The following HERPUD1 variants were observed in gnomAD, a reference collection of about 807,000 sequenced individuals.
HERPUD1 encodes homocysteine-responsive endoplasmic reticulum-resident ubiquitin-like domain member 1 protein.
Under a neutral mutation model 45.0 loss-of-function variants are expected in HERPUD1, and 17 were observed. The observed-to-expected ratio is 0.38, with a 90% CI of 0.26 to 0.57. The LOEUF is 0.57. Ranked by LOEUF, HERPUD1 falls within the 20% of genes least tolerant of loss-of-function variation. The probability of loss-of-function intolerance (pLI) is 0.72; values close to 1 mark genes in which losing one functional copy is unlikely to be tolerated. For synonymous variants in HERPUD1, 164 were observed against 177.5 expected, an observed-to-expected ratio of 0.92 and a Z score of 0.61; for missense variants, 420 against 490.5, an observed-to-expected ratio of 0.86 and a Z score of 1.36.
chr16:56,939,694 T>C (rs1249356944), intron 5 of HERPUD1, among the ~76,000 whole-genome samples: 1 of 152,222 alleles, frequency 6.6e-6, no homozygotes, highest in East Asian at 1.9e-4. Flanking sequence ...TAATTTCAGG[T>C]GAAATTCACC....
At position 56,936,660 on chromosome 16, in the gene HERPUD1, T is replaced by C. The variant is rs776277893; in HGVS notation, c.301-27T>C. ...TCAGACAGTTGCATCAGCTCCTTTG[T>C]TCTGTGTTCATGTTACACTTATTTA... is the stretch of plus-strand genomic sequence containing the variant. On this transcript the variant is annotated intron_variant, in intron 3 of 7. Coordinates refer to ENST00000439977, the MANE Select transcript of HERPUD1 (RefSeq NM_014685.4). 2.5e-6 allele frequency: 4 copies of C among 1,587,356 alleles called. No individual in the cohort carries two copies. The South Asian group carries it at 4.6e-5, about 18-fold the overall frequency.
At position 56,943,212 on chromosome 16, in the gene HERPUD1, T is replaced by A; in HGVS notation, c.1098T>A (p.Phe366Leu). Residue 366 changes from phenylalanine to leucine, a missense_variant, in exon 8 of 8, where the codon TTT (phenylalanine) becomes TTA (leucine). By Grantham distance (22) the Phe-to-Leu change is conservative (BLOSUM62 0). Transcript: ENST00000439977. ...VLDGEQTSPS[F>L]MSTAWLVFKT... Reference sequence around the variant, plus strand: ...ATGGCGAGCAGACCAGCCCCTCCTTTATGAGCACAGCATGGCTTGTCTTCA... The same window carrying A: ...ATGGCGAGCAGACCAGCCCCTCCTTAATGAGCACAGCATGGCTTGTCTTCA... The A allele has an allele frequency of 2.5e-6, 4 of 1,614,190 alleles. No homozygotes were observed. The South Asian group carries it at 3.3e-5, about 13-fold the overall frequency.
chr16:56,936,097 A>G (rs1397991750), intron 3 of HERPUD1: 1 of 153,164 alleles, frequency 6.5e-6, no homozygotes, highest in Non-Finnish European at 1.5e-5. Flanking sequence ...TTTTCATTTC[A>G]CAATGTTTAT....
Position 56,935,525 on chromosome 16 carries a change from A to G in HERPUD1, c.300+50A>G, listed in dbSNP as rs563200657. ...AACAATTTGTATCATTCAGACTTTC[A>G]GGGGAGTAATAAAAGAAGTTGGATA... On this transcript the variant is annotated intron_variant, in intron 3 of 7. Coordinates refer to ENST00000439977, the MANE Select transcript of HERPUD1 (RefSeq NM_014685.4). The G allele has an allele frequency of 3.2e-5, 47 of 1,449,446 alleles. No homozygotes were observed. In the South Asian group the frequency reaches 3.7e-4, roughly 11 times the overall value. 89.8% of individuals were successfully genotyped at this position (1,449,446 alleles called of 1,614,324 possible).
chr16:56,932,449 A>T (rs572081224), intron 1 of HERPUD1, 58 bp downstream of exon 1: 1 of 1,412,778 alleles, frequency 7.1e-7, no homozygotes, highest in African/African-American at 1.4e-5. Flanking sequence ...TCTGCTGGGG[A>T]TGCCACGTCC....
chr16:56,943,834 C>A lies in HERPUD1; in HGVS notation c.*544C>A, dbSNP rs1259343509. The A allele has an allele frequency of 1.5e-5, 3 of 206,740 alleles. No individual in the cohort carries two copies. Among genetic ancestry groups the A allele is most frequent in the Non-Finnish European group, 3.0e-5 (3 of 98,924 alleles). The allele number at this position is 206,740 out of a possible 1,614,324, so 12.8% of individuals were successfully genotyped here. A position where few individuals can be genotyped will look rare whatever the true frequency, so the allele number is the denominator to read the frequency against. ...AAGGGGAACTTTGCGGAGGTGAAAACCTTTGCTGGGTTTTCTGTTCAATAA... is the reference window on the plus strand; with the variant it reads ...AAGGGGAACTTTGCGGAGGTGAAAAACTTTGCTGGGTTTTCTGTTCAATAA... On this transcript the variant is annotated 3_prime_UTR_variant, in exon 8 of 8. Coordinates refer to ENST00000439977, the MANE Select transcript of HERPUD1 (RefSeq NM_014685.4).
chr16:56,935,394 C>T lies in HERPUD1; in HGVS notation c.226-7C>T, dbSNP rs2055858678. ...CAGGTCCTTAAGTACCTTCGTATTA[C>T]TTTTAGCAGGAAAAACGGCATGTTT... On this transcript the variant is annotated splice_polypyrimidine_tract_variant and splice_region_variant and intron_variant, in intron 2 of 7. Transcript: ENST00000439977. 1.9e-6 allele frequency: 3 copies of T among 1,613,976 alleles called. No individual in the cohort carries two copies.
intron 4 of HERPUD1, among the ~76,000 whole-genome samples, chr16:56,938,091 G>C (rs1342887724): frequency 6.6e-6 from 1 of 152,048 alleles, no homozygotes; most frequent in Non-Finnish European, 1.5e-5. Flanking sequence ...TTTGCTTAAG[G>C]ATATGAGTTG....
Position 56,938,634 on chromosome 16 carries a change from T to C in HERPUD1, c.432-603T>C, listed in dbSNP as rs560128545. ...AAATCCAGCCCTGCTACTTACTAGC[T>C]CAGTGACCTTGTGCAAAGCCCCTGT... is the stretch of plus-strand genomic sequence containing the variant. On this transcript the variant is annotated intron_variant, in intron 4 of 7. Coordinates refer to ENST00000439977, the MANE Select transcript of HERPUD1 (RefSeq NM_014685.4). Among the ~76,000 whole-genome samples the C allele has an allele frequency of 7.6e-4, 115 of 151,766 alleles. 1 individual carries two copies. The highest frequency in any genetic ancestry group is 6.9e-3 in the Middle Eastern group (2 of 288).
rs763781578 is a variant in HERPUD1, at chr16:56,940,061, A to G, written c.721A>G (p.Asn241Asp). 2 of 1,614,258 alleles carry G rather than the reference A, an allele frequency of 1.2e-6. No homozygotes were observed. The highest frequency in any genetic ancestry group is 2.2e-5 in the South Asian group (2 of 91,086). The change falls in exon 6 of 8, where the codon AAT becomes GAT. Residue 241 changes from asparagine to aspartate, a missense_variant. Physicochemically the swap from Asn to Asp is conservative, Grantham distance 23. Coordinates refer to ENST00000439977, the MANE Select transcript of HERPUD1 (RefSeq NM_014685.4). ...APQVVVNPGA[N>D]QNLRMNAQGG... ...TCAAGTGGTTGTTAATCCTGGAGCC[A>G]ATCAAAATTTGCGGATGAATGCACA...
intron 4 of HERPUD1, among the ~76,000 whole-genome samples, chr16:56,938,373 C>T (rs2055882143): frequency 6.6e-6 from 1 of 152,156 alleles, no homozygotes; most frequent in Non-Finnish European, 1.5e-5. Flanking sequence ...ACCATCCTGG[C>T]TAACACGGTG....
Position 56,932,381 on chromosome 16 carries a change from C to CCGAGCGTCCGGTGAGAG in HERPUD1, c.140_147+9dup. On this transcript the variant is annotated frameshift_variant, in exon 1 of 8. Transcript: ENST00000439977. LOFTEE classifies it high-confidence loss of function. ...AAGGCCCACCTGAGCCGCGTCTACC[C>CCGAGCGTCCGGTGAGAG]CGAGCGTCCGGTGAGAGCGGCCCCG... 6.3e-7 allele frequency: 1 copy of CCGAGCGTCCGGTGAGAG among 1,587,602 alleles called. No homozygotes were observed.
intron 7 of HERPUD1, 22 bp from the exon 8 acceptor site, chr16:56,943,104 C>T (rs748546510): frequency 6.2e-6 from 10 of 1,609,814 alleles, no homozygotes; most frequent in Middle Eastern, 1.6e-4. Context: ...GTTTCATTAC[C>T]TCATTGTTTC....
At chr16:56,935,912 G>C (rs2055862881) in intron 3 of HERPUD1, 1 of 157,788 alleles carries the variant, frequency 6.3e-6, no homozygotes, top group African/African-American at 2.4e-5. Context: ...TTTTTATCAA[G>C]TGATCTTTAA....
rs1352750687 is a variant in HERPUD1, at chr16:56,943,106, CATT to C, written c.1012-19_1012-17del. 6.8e-6 allele frequency: 11 copies of C among 1,610,344 alleles called. No individual in the cohort carries two copies. Among genetic ancestry groups the C allele is most frequent in the Non-Finnish European group, 9.3e-6 (11 of 1,176,942 alleles). ...TTGTTTTCTCATTGTTTCATTACCT[CATT>C]GTTTCATTACCTGTAGGAAGGCACT... On this transcript the variant is annotated splice_polypyrimidine_tract_variant and intron_variant, in intron 7 of 7. Transcript: ENST00000439977.
In HERPUD1 at chr16:56,932,233, G is replaced by A. The variant is rs1279170418; in HGVS notation, c.-12G>A. ...AGGAGCGCAGCGGAGCCCCGACACCGCCGCCGCCGCCATGGAGTCCGAGAC... is the reference window on the plus strand; with the variant it reads ...AGGAGCGCAGCGGAGCCCCGACACCACCGCCGCCGCCATGGAGTCCGAGAC... On this transcript the variant is annotated 5_prime_UTR_variant, in exon 1 of 8. Coordinates refer to ENST00000439977, the MANE Select transcript of HERPUD1 (RefSeq NM_014685.4). 2 of 1,601,018 alleles carry A rather than the reference G, an allele frequency of 1.2e-6. No homozygotes were observed. Among genetic ancestry groups the A allele is most frequent in the South Asian group, 1.1e-5 (1 of 90,432 alleles).
At chr16:56,942,366 TTTC>T (rs1403428842) in intron 7 of HERPUD1, 129 bp downstream of exon 7, 4 of 626,876 alleles carry the variant, frequency 6.4e-6, no homozygotes, top group Non-Finnish European at 1.1e-5. Context: ...TTTGTTCACA[TTTC>T]TTCTTAGAGC....
chr16:56,943,491 C>G lies in HERPUD1; in HGVS notation c.*201C>G. On this transcript the variant is annotated 3_prime_UTR_variant, in exon 8 of 8. Transcript: ENST00000439977. ...TGAACAAAAAATGCCCAAGGCTTCT[C>G]ATGTCTTTATTCTGAAGAGCTTTAA... 1.5e-6 allele frequency: 1 copy of G among 656,602 alleles called. No individual in the cohort carries two copies. Among genetic ancestry groups the G allele is most frequent in the Non-Finnish European group, 2.7e-6 (1 of 364,336 alleles). The allele number at this position is 656,602 out of a possible 1,614,324, so 40.7% of individuals were successfully genotyped here.
intron 4 of HERPUD1, chr16:56,937,027 T>C (rs879134193): frequency 2.1e-5 from 8 of 388,914 alleles, no homozygotes; most frequent in South Asian, 1.9e-4. Flanking sequence ...AAAAAGTAGG[T>C]AATGCATATA....
Sources: allele counts gnomAD v4.1 joint callset (sites outside exome capture counted in the v4.1 genomes callset), GRCh38; gene constraint gnomAD v4.1.1; transcripts MANE v1.5; gene names NCBI Gene and HGNC (gene_info 2026-07-23, HGNC 2026-07-21).